AGRN: variants seen among roughly 807,000 people sequenced by gnomAD.
The protein encoded by AGRN is agrin proteoglycan.
AGRN carries 106 observed loss-of-function variants against 211.0 expected under a neutral mutation model. That is an observed-to-expected ratio of 0.50 (90% CI 0.43 to 0.59). AGRN has a LOEUF of 0.59. AGRN is among the 20% of genes least tolerant of loss of function. The probability of loss-of-function intolerance (pLI) is 0.00; values close to 1 mark genes in which losing one functional copy is unlikely to be tolerated. For missense variants in AGRN, 3,040 were observed against 2,982.6 expected, an observed-to-expected ratio of 1.02 and a Z score of -0.45; for synonymous variants, 1,525 against 1,332.5, an observed-to-expected ratio of 1.14 and a Z score of -3.15.
Position 1,020,300 on chromosome 1 carries a change from C to A in AGRN, c.128C>A (p.Ala43Glu). Residue 43 changes from alanine to glutamate, a missense_variant, in exon 1 of 36, where the codon GCG (alanine) becomes GAG (glutamate). This residue lies in a region of AGRN where 1,498 missense variants were observed against 1,457.8 expected (regional missense o/e 1.03). Coordinates refer to ENST00000379370, the MANE Select transcript of AGRN (RefSeq NM_198576.4). ...GCGCTGGAGCGGCGCGAGGAGGAGG[C>A]GAACGTGGTGCTCACCGGGACGGTG... ...ERALERREEE[A>E]NVVLTGTVEE... The A allele has an allele frequency of 6.8e-7, 1 of 1,477,812 alleles. No individual in the cohort carries two copies. Among genetic ancestry groups the A allele is most frequent in the Non-Finnish European group, 9.0e-7 (1 of 1,113,464 alleles). 91.5% of individuals were successfully genotyped at this position (1,477,812 alleles called of 1,614,324 possible). A position where few individuals can be genotyped will look rare whatever the true frequency, so the allele number is the denominator to read the frequency against.
chr1:1,035,732 G>T (rs1644788871), intron 3 of AGRN, among the ~76,000 whole-genome samples: 1 of 152,164 alleles, frequency 6.6e-6, no homozygotes, highest in Non-Finnish European at 1.5e-5. Context: ...ACAGGAGCTT[G>T]CAGGGAAGGC....
intron 27 of AGRN, 40 bp downstream of exon 27, chr1:1,050,077 GGTTGAAC>G: frequency 1.3e-6 from 2 of 1,518,920 alleles, no homozygotes; most frequent in Non-Finnish European, 1.8e-6. Flanking sequence ...GGGGGGGGGG[GGTTGAAC>G]GTTTGGGCGG....
At position 1,044,133 on chromosome 1, in the gene AGRN, G is replaced by A. The variant is rs763831229; in HGVS notation, c.2024G>A (p.Gly675Asp). Reference protein sequence around the residue: ...EQAECGSGGSGSGEDGDCEQE... With the variant: ...EQAECGSGGSDSGEDGDCEQE... ...GCCGAGTGCGGTTCCGGAGGCTCTG[G>A]CTCTGGGGAGGACGGTGACTGTGAG... The change falls in exon 11 of 36, where the codon GGC becomes GAC. Residue 675 changes from glycine (G) to aspartate (D), a missense_variant. Physicochemically the swap from Gly to Asp is moderately conservative, Grantham distance 94. Coordinates refer to ENST00000379370, the MANE Select transcript of AGRN (RefSeq NM_198576.4). 6.2e-7 allele frequency: 1 copy of A among 1,613,288 alleles called. No individual in the cohort carries two copies. Among genetic ancestry groups the A allele is most frequent in the South Asian group, 1.1e-5 (1 of 91,086 alleles).
intron 2 of AGRN, chr1:1,034,834 C>A (rs1644762406): frequency 3.7e-6 from 2 of 534,580 alleles, no homozygotes; most frequent in Non-Finnish European, 5.1e-6. Context: ...GGTCACTCTG[C>A]GGACCCCTCG....
At position 1,043,975 on chromosome 1, in the gene AGRN, C is replaced by G. The variant is rs754639566; in HGVS notation, c.1951C>G (p.Leu651Val). 10 of 1,606,696 alleles carry G rather than the reference C, an allele frequency of 6.2e-6. No homozygotes were observed. In the South Asian group the frequency reaches 6.6e-5, roughly 11 times the overall value. ...SACELREAAC[L>V]QQTQIEEARA... ...CTGCGAGCTACGGGAAGCCGCCTGC[C>G]TCCAGCAGACACAGATCGAGGAGGC... The change falls in exon 10 of 36, where the codon CTC (leucine) becomes GTC (valine). Residue 651 changes from leucine to valine, a missense_variant. Physicochemically the swap from Leu to Val is conservative, Grantham distance 32. This residue lies in a region of AGRN where 1,498 missense variants were observed against 1,457.8 expected (regional missense o/e 1.03). Coordinates refer to ENST00000379370, the MANE Select transcript of AGRN (RefSeq NM_198576.4).
intron 1 of AGRN, among the ~76,000 whole-genome samples, chr1:1,020,760 G>A (rs1281755015): frequency 6.6e-6 from 1 of 152,008 alleles, no homozygotes; most frequent in Non-Finnish European, 1.5e-5. Flanking sequence ...CCTTTCCCGG[G>A]GCGAGAGGGG....
In AGRN at chr1:1,051,830, T is replaced by C; in HGVS notation, c.5651+15T>C. 6.2e-7 allele frequency: 1 copy of C among 1,613,330 alleles called. No homozygotes were observed. On this transcript the variant is annotated intron_variant, in intron 33 of 35. Coordinates refer to ENST00000379370, the MANE Select transcript of AGRN (RefSeq NM_198576.4). ...GTGACCGAGAGGTAACGTGCCATCC[T>C]CTGCTGGCTGTCGGTTCCATCTGTG... is the stretch of plus-strand genomic sequence containing the variant.
intron 7 of AGRN, 102 bp from the exon 8 acceptor site, chr1:1,043,137 A>G (rs570725157): frequency 3.1e-6 from 4 of 1,309,536 alleles, no homozygotes; most frequent in Admixed American, 2.0e-5. Context: ...CTCTTCCTCC[A>G]CCATCCCCTC....
At chr1:1,034,085 G>A (rs1194221407) in intron 2 of AGRN, 2 of 979,188 alleles carry the variant, frequency 2.0e-6, no homozygotes, top group Admixed American at 6.1e-5. Flanking sequence ...TCTCGCTCCC[G>A]ACGCGGCCGC....
Position 1,046,410 on chromosome 1 carries a change from C to T in AGRN, c.2925C>T (p.Pro975=), listed in dbSNP as rs942826323. 49 of 1,612,092 alleles carry T rather than the reference C, an allele frequency of 3.0e-5. No individual in the cohort carries two copies. Among genetic ancestry groups the T allele is most frequent in the Non-Finnish European group, 3.9e-5 (46 of 1,179,776 alleles). The stretch of plus-strand genomic sequence containing the variant: ...CTCTCCTTGCAGAGGCTGTTGCTCC[C>T]AGCACTCACCCGACATCTGCCTCCG... ...SLGPCQEAVA[P]STHPTSASVT... Residue 975 remains proline, a synonymous_variant, in exon 18 of 36, where the codon CCC becomes CCT. Coordinates refer to ENST00000379370, the MANE Select transcript of AGRN (RefSeq NM_198576.4).
chr1:1,033,350 C>T (rs1378077534), intron 2 of AGRN, among the ~76,000 whole-genome samples: 2 of 151,840 alleles, frequency 1.3e-5, no homozygotes, highest in Non-Finnish European at 2.9e-5. Context: ...CGGGCGCAGA[C>T]ACTCGCGGGC....
intron 2 of AGRN, among the ~76,000 whole-genome samples, chr1:1,033,639 C>T (rs1644725320): frequency 7.5e-6 from 1 of 133,616 alleles, no homozygotes; most frequent in Non-Finnish European, 1.6e-5. Context: ...CCGGCCCAGC[C>T]CCAGCGCCCC....
chr1:1,044,386 C>G lies in AGRN; in HGVS notation c.2201C>G (p.Ala734Gly). The change falls in exon 12 of 36, where the codon GCC becomes GGC. Residue 734 changes from alanine to glycine, a missense_variant. Around this residue, in one of 3 missense-constraint regions of AGRN, gnomAD observed 1,498 missense variants for 1,457.8 expected, o/e 1.03. Transcript: ENST00000379370. ...TYSTECELKKARCESQRGLYV... is the reference protein window; with the variant it reads ...TYSTECELKKGRCESQRGLYV... ...AGCACCGAGTGTGAGCTGAAGAAGG[C>G]CAGGTGTGAGTCACAGCGAGGGCTC... 1 of 1,612,610 alleles carries G rather than the reference C, an allele frequency of 6.2e-7. No homozygotes were observed. The highest frequency in any genetic ancestry group is 8.5e-7 in the Non-Finnish European group (1 of 1,179,768).
rs780621614 is a variant in AGRN, at chr1:1,043,509, G to A, written c.1604-29G>A. ...GGGGTCGGGGAGAGAGAGGTTCCTGGTCGCCTGGTGATGGAAGCTCCTCCC... is the reference window on the plus strand; with the variant it reads ...GGGGTCGGGGAGAGAGAGGTTCCTGATCGCCTGGTGATGGAAGCTCCTCCC... On this transcript the variant is annotated intron_variant, in intron 8 of 35. Coordinates refer to ENST00000379370, the MANE Select transcript of AGRN (RefSeq NM_198576.4). The A allele has an allele frequency of 4.4e-6, 7 of 1,602,180 alleles. No individual in the cohort carries two copies. The Admixed American group carries it at 1.2e-4, about 27-fold the overall frequency.
rs761006421 is a variant in AGRN at position 1,049,908 on chromosome 1, A to G, written c.4750A>G (p.Thr1584Ala). ...CQCPPGRVGP[T>A]CADEKSPCQP... ...TCCCGTCTTCCTCCATCCAGGACCA[A>G]CCTGTGCCGATGAGAAGAGCCCCTG... is the stretch of plus-strand genomic sequence containing the variant. The change falls in exon 27 of 36, where the codon ACC (threonine) becomes GCC (alanine). Residue 1584 changes from threonine (T) to alanine (A), a missense_variant. Around this residue, in one of 3 missense-constraint regions of AGRN, gnomAD observed 1,537 missense variants for 1,505.0 expected, o/e 1.02. Transcript: ENST00000379370. 1 of 1,608,590 alleles carries G rather than the reference A, an allele frequency of 6.2e-7. No individual in the cohort carries two copies. The highest frequency in any genetic ancestry group is 1.7e-5 in the Admixed American group (1 of 59,766).
At position 1,032,749 on chromosome 1, in the gene AGRN, G is replaced by A. The variant is rs965598146; in HGVS notation, c.464-2528G>A. Among the ~76,000 whole-genome samples the A allele has an allele frequency of 6.6e-6, 1 of 152,346 alleles. No homozygotes were observed. The highest frequency in any genetic ancestry group is 2.1e-4 in the South Asian group (1 of 4,830). On this transcript the variant is annotated intron_variant, in intron 2 of 35. Transcript: ENST00000379370. This position sits in a 1 kb window ranked among gnomAD's most constrained non-coding sequence, Gnocchi z 4.7. ...AGCTGGGGCTTGGGGAATGGGGTCG[G>A]TCATTGCAGGGACAGAGGAGAGGGC...
chr1:1,025,502 T>C (rs1241277051), intron 2 of AGRN, among the ~76,000 whole-genome samples: 2 of 151,978 alleles, frequency 1.3e-5, no homozygotes, highest in African/African-American at 4.8e-5. Context: ...GGACCTCCCA[T>C]AGGGCTGGGG....
In AGRN at chr1:1,043,782, G is replaced by A. The variant is rs1281436186; in HGVS notation, c.1799-41G>A. ...GGGCCAGGGTCCTGTGCCTCCCTCA[G>A]CCTGGGCCTGCCGACCCCTGCCTGG... On this transcript the variant is annotated intron_variant, in intron 9 of 35. Transcript: ENST00000379370. 1.9e-6 allele frequency: 3 copies of A among 1,606,288 alleles called. No individual in the cohort carries two copies. In the African/African-American group the frequency reaches 4.0e-5, roughly 21 times the overall value.
At chr1:1,054,100 G>A (rs1645387203) in intron 34 of AGRN, 123 bp downstream of exon 34, 1 of 1,085,238 alleles carries the variant, frequency 9.2e-7, no homozygotes, top group Non-Finnish European at 1.4e-6. Flanking sequence ...CCTGAGCCGA[G>A]GTCACTGCCA....
Sources: gnomAD v4.1 joint callset for allele counts (sites outside exome capture counted in the v4.1 genomes callset) on GRCh38, gnomAD v4.1.1 for gene constraint, gnomAD v4.1.1 regional missense constraint, Gnocchi (gnomAD v3.1) non-coding constraint, MANE v1.5 for transcripts, NCBI Gene and HGNC (gene_info 2026-07-23, HGNC 2026-07-21) for gene names.